Variants in C5 observed in about 807,000 individuals in gnomAD.
C5 encodes complement C5, also known as C3 and PZP-like alpha-2-macroglobulin domain-containing protein 4.
Under a neutral mutation model 218.8 loss-of-function variants are expected in C5, and 140 were observed. The observed-to-expected ratio is 0.64, with a 90% CI of 0.56 to 0.74. The LOEUF (loss-of-function observed/expected upper bound fraction) is 0.74, where lower values mean the gene tolerates loss of function less well. Among genes scored for constraint, C5 ranks in the 30% least tolerant of loss-of-function variants. C5 has a pLI of 0.00. For synonymous variants in C5, 614 were observed against 682.3 expected, an observed-to-expected ratio of 0.90 and a Z score of 1.56; for missense variants, 1,700 against 1,969.6, an observed-to-expected ratio of 0.86 and a Z score of 2.59.
At chr9:120,976,536 A>T (rs1247910622) in intron 29 of C5, among the ~76,000 whole-genome samples, 164 bp downstream of exon 29, 1 of 152,208 alleles carries the variant, frequency 6.6e-6, no homozygotes, top group African/African-American at 2.4e-5. Flanking sequence ...TCTGTATAAT[A>T]AGAGTGTTGA....
At chr9:121,001,203 T>A (rs2047158674) in intron 20 of C5, among the ~76,000 whole-genome samples, 1 of 152,192 alleles carries the variant, frequency 6.6e-6, no homozygotes, top group African/African-American at 2.4e-5. Context: ...TTACATGAAT[T>A]AGCTCATTTA....
At chr9:121,014,661 T>C (rs2047291097) in intron 16 of C5, among the ~76,000 whole-genome samples, 1 of 152,188 alleles carries the variant, frequency 6.6e-6, no homozygotes, top group Non-Finnish European at 1.5e-5. Flanking sequence ...TATATTACCA[T>C]AGGCATGATA....
chr9:121,016,210 A>T, intron 15 of C5, 44 bp downstream of exon 15: 2 of 1,612,292 alleles, frequency 1.2e-6, no homozygotes, highest in Non-Finnish European at 1.7e-6. Flanking sequence ...TGGGGGGCAA[A>T]TGATCAATGG....
chr9:121,035,611 C>T (rs1196435703), intron 4 of C5, among the ~76,000 whole-genome samples: 1 of 152,080 alleles, frequency 6.6e-6, no homozygotes, highest in East Asian at 1.9e-4. Flanking sequence ...GCTCTGTGAT[C>T]CAGGCTGGAG....
At chr9:121,003,980 G>C (rs1435053995) in intron 20 of C5, among the ~76,000 whole-genome samples, 2 of 151,808 alleles carry the variant, frequency 1.3e-5, no homozygotes, top group Admixed American at 6.6e-5. Flanking sequence ...GCCATTCTCC[G>C]GCCTCTGTCT....
At chr9:121,030,574 T>C (rs1355678103) in intron 6 of C5, 87 bp from the exon 7 acceptor site, 1 of 717,696 alleles carries the variant, frequency 1.4e-6, no homozygotes, top group East Asian at 2.7e-5. Flanking sequence ...TCTGGTATAG[T>C]TGGACAAGCT....
chr9:121,006,352 C>T (rs1258839910), intron 19 of C5, among the ~76,000 whole-genome samples: 1 of 152,082 alleles, frequency 6.6e-6, no homozygotes, highest in East Asian at 1.9e-4. Context: ...ATTATTGGCT[C>T]CATGTTTAAT....
the C5 span, among the ~76,000 whole-genome samples, chr9:121,065,708 G>T: frequency 6.6e-6 from 1 of 152,064 alleles, no homozygotes; most frequent in Non-Finnish European, 1.5e-5. Context: ...AGCTGGTCTG[G>T]ACCTCCTGAG....
At chr9:121,015,027 A>G (rs1425052474) in intron 16 of C5, among the ~76,000 whole-genome samples, 172 bp downstream of exon 16, 1 of 152,198 alleles carries the variant, frequency 6.6e-6, no homozygotes, top group African/African-American at 2.4e-5. Context: ...CAAATGAACT[A>G]CTAGACTTTA....
chr9:120,982,874 T>C (rs2047005494), intron 25 of C5, 60 bp from the exon 26 acceptor site: 1 of 919,370 alleles, frequency 1.1e-6, no homozygotes, highest in African/African-American at 1.7e-5. Context: ...TGACTTTCAA[T>C]TAATTTATAC....
rs1587990940 is a variant in C5 at position 121,030,323 on chromosome 9, G to C, written c.758+74C>G. On this transcript the variant is annotated intron_variant, in intron 7 of 40. Transcript: ENST00000223642. ...TAATAAATCACAGATCTCACTTTGG[G>C]CAACTATCATCAACCAGAGTTGAGT... The C allele has an allele frequency of 3.9e-6, 3 of 771,800 alleles. 1 individual carries two copies. In the Admixed American group the frequency reaches 7.9e-5, roughly 20 times the overall value. The allele number at this position is 771,800 out of a possible 1,614,324, so 47.8% of individuals were successfully genotyped here.
the C5 span, among the ~76,000 whole-genome samples, chr9:121,062,161 G>GC: frequency 6.6e-6 from 1 of 151,994 alleles, no homozygotes; most frequent in Non-Finnish European, 1.5e-5. Context: ...GGCTGTCAGT[G>GC]CCCCGGCTTG....
At chr9:121,033,651 G>C in intron 5 of C5, among the ~76,000 whole-genome samples, 1 of 152,216 alleles carries the variant, frequency 6.6e-6, no homozygotes, top group Non-Finnish European at 1.5e-5. Flanking sequence ...GGAACATGTA[G>C]TATTTTCAAG....
intron 25 of C5, among the ~76,000 whole-genome samples, chr9:120,987,441 G>A (rs113467824): frequency 0.1 from 15,063 of 149,864 alleles, 850 homozygotes; most frequent in African/African-American, 0.16. Flanking sequence ...TCCGGAGATC[G>A]AGACCATCCT....
intron 3 of C5, among the ~76,000 whole-genome samples, chr9:121,041,286 ATACATGAAGCCTTTTTTTTTT>A (rs918104631): frequency 1.5e-5 from 2 of 133,780 alleles, no homozygotes; most frequent in African/African-American, 5.4e-5. Context: ...TAGAGAAATA[ATACATGAAGCCTTTTTTTTTT>A]TTTTTTTTTT....
chr9:120,968,184 G>C (rs762300921), intron 33 of C5, among the ~76,000 whole-genome samples: 2 of 152,138 alleles, frequency 1.3e-5, no homozygotes, highest in African/African-American at 4.8e-5. Context: ...TTGAGATAGG[G>C]GGTTATTTGT....
intron 33 of C5, among the ~76,000 whole-genome samples, chr9:120,964,041 T>C (rs546538670): frequency 2.7e-4 from 41 of 152,330 alleles, no homozygotes; most frequent in African/African-American, 9.9e-4. Context: ...CAAGGTCACA[T>C]GGCTAATTCA....
Position 120,997,649 on chromosome 9 carries a change from CACCAAGTG to C in C5, c.2680_2687del (p.His894AspfsTer51). 6.2e-7 allele frequency: 1 copy of C among 1,614,176 alleles called. No homozygotes were observed. Among genetic ancestry groups the C allele is most frequent in the Non-Finnish European group, 8.5e-7 (1 of 1,180,006 alleles). On this transcript the variant is annotated frameshift_variant, in exon 21 of 41. Transcript: ENST00000223642. LOFTEE classifies it high-confidence loss of function. ...TTTCCAGAGGAAGCACAGTGAATGT[CACCAAGTG>C]ACTGGAGGAGCCCTCTACTTTCTGG...
chr9:121,009,678 C>G (rs1378161993), intron 17 of C5, among the ~76,000 whole-genome samples: 1 of 152,236 alleles, frequency 6.6e-6, no homozygotes, highest in Non-Finnish European at 1.5e-5. Context: ...CAAAAAGCAC[C>G]ATCAAGAGAA....
Sources: allele counts gnomAD v4.1 joint callset (sites outside exome capture counted in the v4.1 genomes callset), GRCh38; gene constraint gnomAD v4.1.1; transcripts MANE v1.5; gene names NCBI Gene and HGNC (gene_info 2026-07-23, HGNC 2026-07-21).